Variants in CDK9 observed in about 807,000 individuals in gnomAD.
CDK9 encodes cyclin dependent kinase 9, also known as cyclin-dependent kinase 9.
A neutral mutation model predicts 39.0 loss-of-function variants in CDK9; 34 were observed. The observed-to-expected ratio is 0.87, with a 90% confidence interval of 0.66 to 1.16. The LOEUF (loss-of-function observed/expected upper bound fraction) is 1.16, where lower values mean the gene tolerates loss of function less well. Among genes scored for constraint, CDK9 ranks in the 50% most tolerant of loss-of-function variants. The pLI, the probability that CDK9 is intolerant of heterozygous loss-of-function variation, is 0.00. For synonymous variants in CDK9, 233 were observed against 196.2 expected, an observed-to-expected ratio of 1.19 and a Z score of -1.57; for missense variants, 369 against 503.2, an observed-to-expected ratio of 0.73 and a Z score of 2.55.
At chr9:127,786,449 T>C (rs893007467) in intron 1 of CDK9, among the ~76,000 whole-genome samples, 4 of 152,014 alleles carry the variant, frequency 2.6e-5, no homozygotes, top group African/African-American at 7.2e-5. Context: ...GGGGAGGGGC[T>C]GCAGAGAGGC....
At chr9:127,786,316 C>CA (rs1385766337) in intron 1 of CDK9, 76 bp downstream of exon 1, 8 of 1,216,756 alleles carry the variant, frequency 6.6e-6, no homozygotes, top group Admixed American at 4.0e-5. Flanking sequence ...CCGGGCCCCC[C>CA]CCGAGTTGGT....
chr9:127,787,301 C>G (rs770076570), intron 2 of CDK9, among the ~76,000 whole-genome samples: 1 of 152,184 alleles, frequency 6.6e-6, no homozygotes, highest in South Asian at 2.1e-4. Flanking sequence ...CGTTTAGTGG[C>G]TAATAGCAAA....
intron 4 of CDK9, 37 bp from the exon 5 acceptor site, chr9:127,788,177 G>A (rs369777754): frequency 9.9e-6 from 16 of 1,613,278 alleles, no homozygotes; most frequent in African/African-American, 1.3e-5. Flanking sequence ...CTCCCGGGTG[G>A]ATGTCACTAA....
chr9:127,786,979 G>A (rs914583374), intron 2 of CDK9, among the ~76,000 whole-genome samples, 197 bp downstream of exon 2: 3 of 152,218 alleles, frequency 2.0e-5, no homozygotes, highest in Non-Finnish European at 4.4e-5. Flanking sequence ...GCCAGGAGGG[G>A]GAGTTGATGC....
intron 4 of CDK9, 47 bp downstream of exon 4, chr9:127,788,160 G>T: frequency 6.2e-7 from 1 of 1,613,392 alleles, no homozygotes; most frequent in Non-Finnish European, 8.5e-7. Context: ...GCTGGTCTTG[G>T]CTCCCACTCC....
rs755939591 is a variant in CDK9 at position 127,788,099 on chromosome 9, A to G, written c.418A>G (p.Ile140Val). 2.5e-6 allele frequency: 4 copies of G among 1,614,166 alleles called. No homozygotes were observed. The highest frequency in any genetic ancestry group is 3.3e-5 in the Admixed American group (2 of 60,024). Reference sequence around the variant, plus strand: ...GATGCTGCTTAACGGCCTCTACTACATCCACAGAAACAAGGTGGGGGCCAG... The same window carrying G: ...GATGCTGCTTAACGGCCTCTACTACGTCCACAGAAACAAGGTGGGGGCCAG... ...MQMLLNGLYYIHRNKILHRDM... is the reference protein window; with the variant it reads ...MQMLLNGLYYVHRNKILHRDM... Residue 140 changes from isoleucine (I) to valine (V), a missense_variant, in exon 4 of 7, where the codon ATC (isoleucine) becomes GTC (valine). Transcript: ENST00000373264.
At position 127,787,849 on chromosome 9, in the gene CDK9, G is replaced by A. The variant is rs957597121; in HGVS notation, c.266-98G>A. ...ACAGACAGATGCTCTGGAGGGCATG[G>A]GTGCCCGTGGGTTGGAGCAGGAAGA... On this transcript the variant is annotated intron_variant, in intron 3 of 6. Coordinates refer to ENST00000373264, the MANE Select transcript of CDK9 (RefSeq NM_001261.4). 1.4e-5 allele frequency: 18 copies of A among 1,273,938 alleles called. 1 individual carries two copies. The highest frequency in any genetic ancestry group is 5.9e-5 in the African/African-American group (4 of 68,038). The allele number at this position is 1,273,938 out of a possible 1,614,324, so 78.9% of individuals were successfully genotyped here.
chr9:127,788,060 A>T lies in CDK9; in HGVS notation c.379A>T (p.Lys127Ter). The change falls in exon 4 of 7, where the codon AAG (lysine) becomes TAG (stop). Residue 127 changes from lysine (K) to a stop codon, truncating the protein, a stop_gained. Transcript: ENST00000373264. LOFTEE classifies it high-confidence loss of function. ...GGTCAAGTTCACGCTGTCTGAGATC[A>T]AGAGGGTGATGCAGATGCTGCTTAA... ...VLVKFTLSEI[K>*]RVMQMLLNGL... The T allele has an allele frequency of 1.2e-6, 2 of 1,614,214 alleles. No homozygotes were observed. Among genetic ancestry groups the T allele is most frequent in the Non-Finnish European group, 1.7e-6 (2 of 1,180,042 alleles).
chr9:127,789,195 C>A lies in CDK9; in HGVS notation c.771C>A (p.Asp257Glu). The A allele has an allele frequency of 6.3e-7, 1 of 1,581,386 alleles. No individual in the cohort carries two copies. Among genetic ancestry groups the A allele is most frequent in the Non-Finnish European group, 8.6e-7 (1 of 1,159,446 alleles). The change falls in exon 7 of 7, where the codon GAC becomes GAA. Residue 257 changes from aspartate (D) to glutamate (E), a missense_variant. By Grantham distance (45) the Asp-to-Glu change is conservative (BLOSUM62 2). Coordinates refer to ENST00000373264, the MANE Select transcript of CDK9 (RefSeq NM_001261.4). This position sits in a 1 kb window ranked among gnomAD's most constrained non-coding sequence, Gnocchi z 5.2. The stretch of plus-strand genomic sequence containing the variant: ...CCTCCCAGGTGTGGCCAAACGTGGA[C>A]AACTATGAGCTGTACGAAAAGCTGG... ...SITPEVWPNV[D>E]NYELYEKLEL...
intron 1 of CDK9, 35 bp from the exon 2 acceptor site, chr9:127,786,666 C>T (rs1227087871): frequency 1.3e-6 from 2 of 1,589,316 alleles, no homozygotes; most frequent in Non-Finnish European, 1.7e-6. Flanking sequence ...CGGAAATGGC[C>T]TGATGAGTTC....
chr9:127,786,596 C>T (rs1379457245), intron 1 of CDK9, 105 bp from the exon 2 acceptor site: 3 of 1,058,632 alleles, frequency 2.8e-6, no homozygotes, highest in Non-Finnish European at 4.2e-6. Flanking sequence ...TAGCCCAGCC[C>T]CGCCCGGGAA....
chr9:127,787,442 G>A (rs983980406), intron 2 of CDK9, 76 bp from the exon 3 acceptor site: 2 of 895,852 alleles, frequency 2.2e-6, no homozygotes, highest in Non-Finnish European at 3.6e-6. Flanking sequence ...CTCCCAACTT[G>A]GCTGTCAGTA....
At chr9:127,787,813 T>A (rs1679554435) in intron 3 of CDK9, 134 bp from the exon 4 acceptor site, 2 of 1,014,588 alleles carry the variant, frequency 2.0e-6, no homozygotes, top group East Asian at 4.9e-5. Context: ...ATTTGACCGG[T>A]GAAGGAAGGA....
chr9:127,789,655 C>G lies in CDK9; in HGVS notation c.*112C>G, dbSNP rs1267889140. ...TCTCTCATGCATATTTTATTTAATCCCCACCCTGGGCTCTGGGAGCAGCCC... is the reference window on the plus strand; with the variant it reads ...TCTCTCATGCATATTTTATTTAATCGCCACCCTGGGCTCTGGGAGCAGCCC... On this transcript the variant is annotated 3_prime_UTR_variant, in exon 7 of 7. Coordinates refer to ENST00000373264, the MANE Select transcript of CDK9 (RefSeq NM_001261.4). This position sits in a 1 kb window ranked among gnomAD's most constrained non-coding sequence, Gnocchi z 5.2. 1 of 1,383,560 alleles carries G rather than the reference C, an allele frequency of 7.2e-7. No individual in the cohort carries two copies. The highest frequency in any genetic ancestry group is 9.7e-7 in the Non-Finnish European group (1 of 1,033,560). 85.7% of individuals were successfully genotyped at this position (1,383,560 alleles called of 1,614,324 possible).
At chr9:127,786,676 C>A in intron 1 of CDK9, 25 bp from the exon 2 acceptor site, 1 of 1,608,356 alleles carries the variant, frequency 6.2e-7, no homozygotes, top group South Asian at 1.1e-5. Context: ...CTGATGAGTT[C>A]TCGGGTCTCC....
rs776332336 is a variant in CDK9 at position 127,786,251 on chromosome 9, G to T, written c.92+11G>T. The T allele has an allele frequency of 1.2e-6, 2 of 1,602,842 alleles. No individual in the cohort carries two copies. Among genetic ancestry groups the T allele is most frequent in the Non-Finnish European group, 1.7e-6 (2 of 1,174,806 alleles). ...CCAAGGCACCTTCGGGTAAGGCTGG[G>T]CCCCTCGGGGCCGGGAGCCCTGGGC... On this transcript the variant is annotated intron_variant, in intron 1 of 6. Transcript: ENST00000373264.
At chr9:127,788,144 G>A (rs1158952478) in intron 4 of CDK9, 31 bp downstream of exon 4, 1 of 1,613,598 alleles carries the variant, frequency 6.2e-7, no homozygotes, top group Non-Finnish European at 8.5e-7. Context: ...GAGGACCCAG[G>A]CTTGGGCTGG....
Position 127,786,075 on chromosome 9 carries a change from C to G in CDK9, c.-74C>G, listed in dbSNP as rs898084298. On this transcript the variant is annotated 5_prime_UTR_variant, in exon 1 of 7. Transcript: ENST00000373264. ...CGCGGCCGCGGAGGGGCCTGGAGTG[C>G]GGCGGCGGCGGGACCCGGAGCAGGA... 1.9e-6 allele frequency: 2 copies of G among 1,045,112 alleles called. No homozygotes were observed. Among genetic ancestry groups the G allele is most frequent in the Admixed American group, 2.8e-5 (1 of 36,032 alleles). 64.7% of individuals were successfully genotyped at this position (1,045,112 alleles called of 1,614,324 possible). A position where few individuals can be genotyped will look rare whatever the true frequency, so the allele number is the denominator to read the frequency against.
chr9:127,789,020 C>T lies in CDK9; in HGVS notation c.754-158C>T, dbSNP rs1829382409. 6.6e-6 allele frequency among the ~76,000 whole-genome samples: 1 copy of T among 152,112 alleles called. No homozygotes were observed. The highest frequency in any genetic ancestry group is 1.5e-5 in the Non-Finnish European group (1 of 68,026). On this transcript the variant is annotated intron_variant, in intron 6 of 6. Transcript: ENST00000373264. This position sits in a 1 kb window ranked among gnomAD's most constrained non-coding sequence, Gnocchi z 5.2. Reference sequence around the variant, plus strand: ...GGAAGGACCTGGCACGTGGTATGTGCCAATCCATAGCGGGCACTGCTTCTG... The same window carrying T: ...GGAAGGACCTGGCACGTGGTATGTGTCAATCCATAGCGGGCACTGCTTCTG...
Sources: gnomAD v4.1 joint callset for allele counts (sites outside exome capture counted in the v4.1 genomes callset) on GRCh38, gnomAD v4.1.1 for gene constraint, Gnocchi (gnomAD v3.1) non-coding constraint, MANE v1.5 for transcripts, NCBI Gene and HGNC (gene_info 2026-07-23, HGNC 2026-07-21) for gene names.